AGBL1: variants seen among roughly 807,000 people sequenced by gnomAD.
The protein encoded by AGBL1 is AGBL carboxypeptidase 1.
AGBL1 carries 130 observed loss-of-function variants against 118.9 expected under a neutral mutation model. That is an observed-to-expected ratio of 1.09 (90% CI 0.95 to 1.26). AGBL1 has a LOEUF of 1.26. AGBL1 is among the 50% of genes most tolerant of loss of function. The pLI is 0.00. For missense variants in AGBL1, 1,584 were observed against 1,298.1 expected (o/e 1.22, Z -3.38); for synonymous variants, 555 against 478.9 (o/e 1.16, Z -2.08).
chr15:86,993,827 C>T (rs74025749), intron 24 of AGBL1, among the ~76,000 whole-genome samples: 5,562 of 152,160 alleles, frequency 0.037, 340 homozygotes, highest in African/African-American at 0.13. Context: ...TTTATTAGCG[C>T]TGGCCTGCTT....
intron 20 of AGBL1, 120 bp downstream of exon 20, chr15:86,546,253 A>G: frequency 8.5e-7 from 1 of 1,170,808 alleles, no homozygotes; most frequent in East Asian, 2.6e-5. Context: ...AAGCATTTTA[A>G]TTATTCTAAC....
intron 21 of AGBL1, among the ~76,000 whole-genome samples, chr15:86,603,501 C>G (rs1004774637): frequency 1.3e-5 from 2 of 152,056 alleles, no homozygotes; most frequent in Non-Finnish European, 1.5e-5. Flanking sequence ...CTTCCTGTCC[C>G]CCTTAGCCCC....
chr15:86,791,988 G>A (rs1043893327), intron 22 of AGBL1, among the ~76,000 whole-genome samples: 5 of 151,994 alleles, frequency 3.3e-5, no homozygotes, highest in Non-Finnish European at 5.9e-5. Flanking sequence ...TGCCCACTTC[G>A]GCCTCCTAAT....
At chr15:86,147,190 G>C (rs142689402) in intron 3 of AGBL1, among the ~76,000 whole-genome samples, 1 of 152,206 alleles carries the variant, frequency 6.6e-6, no homozygotes, top group African/African-American at 2.4e-5. Context: ...AGCAACTAGC[G>C]TGACTGACGC....
At chr15:86,811,979 C>T (rs1203124884) in intron 22 of AGBL1, among the ~76,000 whole-genome samples, 1 of 152,174 alleles carries the variant, frequency 6.6e-6, no homozygotes, top group Non-Finnish European at 1.5e-5. Context: ...ATGCCTATCT[C>T]ACTCACTTTT....
At chr15:86,466,062 T>C (rs979860691) in intron 18 of AGBL1, among the ~76,000 whole-genome samples, 1 of 152,166 alleles carries the variant, frequency 6.6e-6, no homozygotes. Context: ...TTGTATTCTT[T>C]CTCTTTATTT....
In AGBL1 at chr15:86,442,075, G is replaced by C. The variant is rs187037887; in HGVS notation, c.2555+44529G>C. ...AACTGAGAAGGGAGCTAAGAGTCAAGATAGAAGCAAAGCATGGTTCGAGAC... is the reference window on the plus strand; with the variant it reads ...AACTGAGAAGGGAGCTAAGAGTCAACATAGAAGCAAAGCATGGTTCGAGAC... On this transcript the variant is annotated intron_variant, in intron 18 of 22. Coordinates refer to ENST00000614907, the MANE Select transcript of AGBL1 (RefSeq NM_001386094.1). 1.1e-4 allele frequency among the ~76,000 whole-genome samples: 16 copies of C among 152,360 alleles called. No individual in the cohort carries two copies. In the East Asian group the frequency reaches 3.1e-3, roughly 29 times the overall value.
At chr15:86,346,402 A>G (rs964643294) in intron 17 of AGBL1, among the ~76,000 whole-genome samples, 3 of 150,804 alleles carry the variant, frequency 2.0e-5, no homozygotes, top group East Asian at 1.9e-4. Flanking sequence ...GCTGGGGTGC[A>G]GTGGCGTGAT....
At chr15:86,655,483 C>T (rs140308525) in intron 21 of AGBL1, among the ~76,000 whole-genome samples, 32 of 152,160 alleles carry the variant, frequency 2.1e-4, no homozygotes, top group African/African-American at 6.7e-4. Flanking sequence ...AATAATTTCC[C>T]GTTACTTTCT....
intron 1 of AGBL1, among the ~76,000 whole-genome samples, chr15:86,100,621 T>C (rs913304782): frequency 2.0e-5 from 3 of 152,134 alleles, no homozygotes; most frequent in African/African-American, 7.2e-5. Context: ...ATTTATCCCT[T>C]TTCTCTAGCT....
At chr15:86,822,024 G>A (rs2078949104) in intron 22 of AGBL1, among the ~76,000 whole-genome samples, 3 of 152,142 alleles carry the variant, frequency 2.0e-5, no homozygotes, top group Non-Finnish European at 2.9e-5. Context: ...CACAGTACCT[G>A]TTCAGTGTCC....
chr15:86,402,987 G>A lies in AGBL1; in HGVS notation c.2555+5441G>A, dbSNP rs553997676. 3.9e-5 allele frequency among the ~76,000 whole-genome samples: 6 copies of A among 152,314 alleles called. No homozygotes were observed. In the South Asian group the frequency reaches 1.0e-3, roughly 26 times the overall value. On this transcript the variant is annotated intron_variant, in intron 18 of 22. Coordinates refer to ENST00000614907, the MANE Select transcript of AGBL1 (RefSeq NM_001386094.1). ...GTAAATCAGGAGGACTGATCCAGCG[G>A]TTTCTTGACACTTAAAAATCTTCCC...
At chr15:86,798,693 T>C (rs2078607696) in intron 22 of AGBL1, among the ~76,000 whole-genome samples, 1 of 150,604 alleles carries the variant, frequency 6.6e-6, no homozygotes, top group Non-Finnish European at 1.5e-5. Flanking sequence ...CTGTTAATAC[T>C]ACATACATGC....
chr15:86,403,773 G>A (rs2081482499), intron 18 of AGBL1, among the ~76,000 whole-genome samples: 1 of 152,204 alleles, frequency 6.6e-6, no homozygotes. Context: ...AGGAACTCAA[G>A]TCTATCCCAC....
chr15:86,468,267 T>C (rs2142097355), intron 18 of AGBL1, among the ~76,000 whole-genome samples: 1 of 152,250 alleles, frequency 6.6e-6, no homozygotes, highest in African/African-American at 2.4e-5. Context: ...GGTCCTAAAT[T>C]GGATCTTTAG....
chr15:86,122,201 A>T (rs1401866446), intron 1 of AGBL1, among the ~76,000 whole-genome samples: 1 of 152,186 alleles, frequency 6.6e-6, no homozygotes, highest in Non-Finnish European at 1.5e-5. Flanking sequence ...TGGTCACAGG[A>T]GGTTCTGACA....
rs1025658235 is a variant in AGBL1 at position 86,910,446 on chromosome 15, T to C, written c.*3152T>C. On this transcript the variant is annotated 3_prime_UTR_variant, in exon 23 of 23. Transcript: ENST00000614907. ...AGGCTGAATTTAATTCTGAATGTAA[T>C]GGGGGAGACTTAAAGAGCTTTCAGC... 4 of 152,118 alleles carry C rather than the reference T, an allele frequency of 2.6e-5. No individual in the cohort carries two copies. Among genetic ancestry groups the C allele is most frequent in the Admixed American group, 2.0e-4 (3 of 15,272 alleles). 9.4% of individuals were successfully genotyped at this position (152,118 alleles called of 1,614,324 possible).
intron 17 of AGBL1, among the ~76,000 whole-genome samples, chr15:86,329,697 A>T (rs1402482736): frequency 6.6e-6 from 1 of 151,136 alleles, no homozygotes; most frequent in African/African-American, 2.4e-5. Flanking sequence ...AAAGCACCTC[A>T]TTACACAGAT....
At chr15:86,472,150 G>C (rs1422633000) in intron 18 of AGBL1, among the ~76,000 whole-genome samples, 1 of 152,174 alleles carries the variant, frequency 6.6e-6, no homozygotes, top group African/African-American at 2.4e-5. Context: ...CTTGATTTCA[G>C]ACTTATGACC....
Sources: allele counts gnomAD v4.1 joint callset (sites outside exome capture counted in the v4.1 genomes callset), GRCh38; gene constraint gnomAD v4.1.1; transcripts MANE v1.5; gene names NCBI Gene and HGNC (gene_info 2026-07-23, HGNC 2026-07-21).